Variants in MROH7 observed in about 807,000 individuals in gnomAD.
The protein encoded by MROH7 is maestro heat-like repeat-containing protein family member 7.
Under a neutral mutation model 129.2 loss-of-function variants are expected in MROH7, and 113 were observed. That is an observed-to-expected ratio of 0.87 (90% CI 0.75 to 1.02). MROH7 has a LOEUF of 1.02. Ranked by LOEUF, MROH7 falls within the 50% of genes least tolerant of loss-of-function variation. The pLI, the probability that MROH7 is intolerant of heterozygous loss-of-function variation, is 0.00. For synonymous variants in MROH7, 655 were observed against 667.9 expected, an observed-to-expected ratio of 0.98 and a Z score of 0.30; for missense variants, 1,601 against 1,671.3, an observed-to-expected ratio of 0.96 and a Z score of 0.73.
At chr1:54,675,296 G>A (rs1644963516) in intron 10 of MROH7, among the ~76,000 whole-genome samples, 1 of 152,194 alleles carries the variant, frequency 6.6e-6, no homozygotes, top group African/African-American at 2.4e-5. Flanking sequence ...CTTTTTGAAA[G>A]ATTAAGTGAG....
At chr1:54,679,655 G>C (rs1166075154) in intron 12 of MROH7, among the ~76,000 whole-genome samples, 1 of 152,198 alleles carries the variant, frequency 6.6e-6, no homozygotes. Flanking sequence ...AACTGACTTG[G>C]TGGTGGGTAG....
At chr1:54,667,893 C>A (rs992471269) in intron 4 of MROH7, among the ~76,000 whole-genome samples, 2 of 152,166 alleles carry the variant, frequency 1.3e-5, no homozygotes, top group Non-Finnish European at 2.9e-5. Flanking sequence ...GAGATTATAG[C>A]GAGCTGTGAC....
At position 54,674,031 on chromosome 1, in the gene MROH7, C is replaced by T. The variant is rs1471789196; in HGVS notation, c.1816C>T (p.Pro606Ser). Reference protein sequence around the residue: ...TLPFFMPLGFPALGLLLGRLI... With the variant: ...TLPFFMPLGFSALGLLLGRLI... ...ATACAAACAGATGCCCTTGGGGTTC[C>T]CGGCGCTGGGGCTTCTGCTGGGGAG... Residue 606 changes from proline to serine, a missense_variant, in exon 10 of 24, where the codon CCG becomes TCG. Coordinates refer to ENST00000421030, the MANE Select transcript of MROH7 (RefSeq NM_001039464.4). The T allele has an allele frequency of 1.2e-6, 2 of 1,614,046 alleles. No homozygotes were observed. Among genetic ancestry groups the T allele is most frequent in the South Asian group, 1.1e-5 (1 of 91,058 alleles).
Position 54,679,447 on chromosome 1 carries a change from CT to C in MROH7, c.2226+9del. On this transcript the variant is annotated intron_variant, in intron 12 of 23. Transcript: ENST00000421030. ...CACAGGGCGCTGGAGGTGGTAAGGCCTCCTGGGGGCAGGGAGTGAACTGTCA... is the reference window on the plus strand; with the variant it reads ...CACAGGGCGCTGGAGGTGGTAAGGCCCCTGGGGGCAGGGAGTGAACTGTCA... The C allele has an allele frequency of 6.2e-7, 1 of 1,610,362 alleles. No individual in the cohort carries two copies. Among genetic ancestry groups the C allele is most frequent in the Non-Finnish European group, 8.5e-7 (1 of 1,177,720 alleles).
intron 21 of MROH7, among the ~76,000 whole-genome samples, chr1:54,705,032 C>T (rs1645510107): frequency 6.6e-6 from 1 of 151,958 alleles, no homozygotes; most frequent in African/African-American, 2.4e-5. Flanking sequence ...CTCCTGACCT[C>T]AGGTGATCTG....
At chr1:54,670,733 C>T (rs1282837225) in intron 6 of MROH7, 67 bp from the exon 7 acceptor site, 9 of 1,582,666 alleles carry the variant, frequency 5.7e-6, no homozygotes, top group Non-Finnish European at 7.7e-6. Context: ...CTCCTCAGCT[C>T]AGCCCCCGTC....
chr1:54,668,819 C>G, intron 4 of MROH7, 35 bp from the exon 5 acceptor site: 1 of 1,563,672 alleles, frequency 6.4e-7, no homozygotes, highest in Non-Finnish European at 8.8e-7. Context: ...CAGTGGGTCT[C>G]TCACTCTGAG....
intron 10 of MROH7, among the ~76,000 whole-genome samples, chr1:54,677,874 C>T (rs141481697): frequency 1.3e-5 from 2 of 152,238 alleles, no homozygotes; most frequent in East Asian, 1.9e-4. Flanking sequence ...AGTACCTTCT[C>T]GTTGTCGGGA....
intron 14 of MROH7, among the ~76,000 whole-genome samples, chr1:54,684,153 G>A (rs1273944665): frequency 6.6e-6 from 1 of 152,192 alleles, no homozygotes; most frequent in Non-Finnish European, 1.5e-5. Flanking sequence ...ATAGGTTCTG[G>A]GGATTCAGAA....
intron 22 of MROH7, among the ~76,000 whole-genome samples, chr1:54,708,209 A>G (rs1645565078): frequency 6.6e-6 from 1 of 152,212 alleles, no homozygotes; most frequent in Non-Finnish European, 1.5e-5. Context: ...ATTTAAGGGC[A>G]GGAATTTGAG....
At chr1:54,687,420 A>G (rs2101154438) in intron 15 of MROH7, among the ~76,000 whole-genome samples, 1 of 152,356 alleles carries the variant, frequency 6.6e-6, no homozygotes, top group Middle Eastern at 3.4e-3. Flanking sequence ...CTCTATGTAT[A>G]GGATCCCAGT....
chr1:54,666,042 G>A (rs1174498090), intron 4 of MROH7, among the ~76,000 whole-genome samples: 1 of 152,188 alleles, frequency 6.6e-6, no homozygotes, highest in Non-Finnish European at 1.5e-5. Flanking sequence ...ACTCATTCCT[G>A]CCCCAGGGCC....
chr1:54,654,183 G>A, intron 3 of MROH7, 26 bp downstream of exon 3: 3 of 1,563,542 alleles, frequency 1.9e-6, no homozygotes, highest in South Asian at 2.4e-5. Flanking sequence ...CAGCCCTAGA[G>A]AGAGCACTGT....
At chr1:54,699,945 T>G in intron 17 of MROH7, 1 of 592,878 alleles carries the variant, frequency 1.7e-6, no homozygotes, top group Non-Finnish European at 3.0e-6. Flanking sequence ...AGAAGGGCAT[T>G]TTGCCAGCAC....
At position 54,674,035 on chromosome 1, in the gene MROH7, C is replaced by T. The variant is rs370746724; in HGVS notation, c.1820C>T (p.Ala607Val). Residue 607 changes from alanine (A) to valine (V), a missense_variant, in exon 10 of 24, where the codon GCG becomes GTG. Ala to Val is a moderately conservative substitution (Grantham distance 64). Coordinates refer to ENST00000421030, the MANE Select transcript of MROH7 (RefSeq NM_001039464.4). ...LPFFMPLGFPALGLLLGRLIL... is the reference protein window; with the variant it reads ...LPFFMPLGFPVLGLLLGRLIL... Reference sequence around the variant, plus strand: ...AAACAGATGCCCTTGGGGTTCCCGGCGCTGGGGCTTCTGCTGGGGAGACTC... The same window carrying T: ...AAACAGATGCCCTTGGGGTTCCCGGTGCTGGGGCTTCTGCTGGGGAGACTC... 4.3e-5 allele frequency: 69 copies of T among 1,613,938 alleles called. No individual in the cohort carries two copies. The highest frequency in any genetic ancestry group is 3.8e-4 in the South Asian group (35 of 91,076).
At chr1:54,707,153 C>A (rs1645547316) in intron 22 of MROH7, among the ~76,000 whole-genome samples, 2 of 152,086 alleles carry the variant, frequency 1.3e-5, no homozygotes, top group Admixed American at 1.3e-4. Context: ...ACAAAAAACA[C>A]CAAAAACAAA....
chr1:54,658,556 A>G (rs899955411), intron 3 of MROH7, among the ~76,000 whole-genome samples: 2 of 152,204 alleles, frequency 1.3e-5, no homozygotes, highest in South Asian at 2.1e-4. Flanking sequence ...TTTTTGGGGT[A>G]TAAGATGGAT....
At chr1:54,697,859 C>T in intron 17 of MROH7, 1 of 533,006 alleles carries the variant, frequency 1.9e-6, no homozygotes, top group Non-Finnish European at 3.4e-6. Context: ...GAGGGTGGAT[C>T]TTGCCAGACC....
chr1:54,660,488 T>G lies in MROH7; in HGVS notation c.1232-4679T>G, dbSNP rs528421607. 3.3e-3 allele frequency among the ~76,000 whole-genome samples: 507 copies of G among 152,316 alleles called. 1 individual carries two copies. Among genetic ancestry groups the G allele is most frequent in the Non-Finnish European group, 5.7e-3 (386 of 68,028 alleles). On this transcript the variant is annotated intron_variant, in intron 3 of 23. Coordinates refer to ENST00000421030, the MANE Select transcript of MROH7 (RefSeq NM_001039464.4). ...CAATGTGAGTTTCAATTGTTCCACA[T>G]TCTCACCAAGGTTTGGTGTTATCAG...
Sources: allele counts gnomAD v4.1 joint callset (sites outside exome capture counted in the v4.1 genomes callset), GRCh38; gene constraint gnomAD v4.1.1; transcripts MANE v1.5; gene names NCBI Gene and HGNC (gene_info 2026-07-23, HGNC 2026-07-21).